Variants in CCDC171 observed in about 807,000 individuals in gnomAD.
CCDC171 encodes the protein coiled-coil domain containing 171.
A neutral mutation model predicts 168.2 loss-of-function variants in CCDC171; 177 were observed. The observed-to-expected ratio is 1.05, with a 90% CI of 0.93 to 1.19. The LOEUF is 1.19. Among genes scored for constraint, CCDC171 ranks in the 50% most tolerant of loss-of-function variants. The pLI is 0.00. For missense variants in CCDC171, 1,991 were observed against 1,539.0 expected (o/e 1.29, Z -4.91); for synonymous variants, 687 against 540.8 (o/e 1.27, Z -3.75).
At chr9:16,032,684 C>G (rs899723925) in intron 6 of CCDC171, among the ~76,000 whole-genome samples, 8 of 152,166 alleles carry the variant, frequency 5.3e-5, no homozygotes, top group African/African-American at 1.7e-4. Context: ...GTGGCACGAT[C>G]ATAGCTCATA....
chr9:15,780,908 T>G (rs2057632820), intron 20 of CCDC171, among the ~76,000 whole-genome samples: 1 of 152,200 alleles, frequency 6.6e-6, no homozygotes, highest in Admixed American at 6.5e-5. Flanking sequence ...AAGAGATGTT[T>G]ATACTTTTAA....
At chr9:15,831,868 A>G (rs560607302) in intron 21 of CCDC171, among the ~76,000 whole-genome samples, 19 of 150,838 alleles carry the variant, frequency 1.3e-4, no homozygotes, top group African/African-American at 2.7e-4. Context: ...CTGAATATCA[A>G]TGTGTATGAC....
At chr9:16,108,848 G>A in the CCDC171 span, among the ~76,000 whole-genome samples, 3 of 152,164 alleles carry the variant, frequency 2.0e-5, no homozygotes, top group African/African-American at 2.4e-5. Flanking sequence ...AAATGCTGGC[G>A]TCATGCTTGT....
chr9:15,964,244 A>G (rs1294178160), intron 25 of CCDC171, among the ~76,000 whole-genome samples: 3 of 152,106 alleles, frequency 2.0e-5, no homozygotes, highest in Non-Finnish European at 4.4e-5. Flanking sequence ...CATTATTTTA[A>G]TTGATTTTCA....
chr9:15,636,412 A>G (rs2046202464), intron 7 of CCDC171, among the ~76,000 whole-genome samples: 1 of 152,100 alleles, frequency 6.6e-6, no homozygotes, highest in Admixed American at 6.6e-5. Flanking sequence ...ATTATATTTT[A>G]TATCATCATT....
intron 21 of CCDC171, among the ~76,000 whole-genome samples, chr9:15,807,368 G>A (rs1312944076): frequency 6.6e-6 from 1 of 152,180 alleles, no homozygotes; most frequent in Admixed American, 6.5e-5. Context: ...TGGGCATTGT[G>A]TTGCTTCTTT....
intron 25 of CCDC171, among the ~76,000 whole-genome samples, chr9:15,935,918 T>C (rs1018914386): frequency 1.3e-5 from 2 of 152,128 alleles, no homozygotes; most frequent in African/African-American, 4.8e-5. Context: ...TGCCTTCATA[T>C]TGATAGTTTT....
At chr9:16,070,390 T>C in the CCDC171 span, among the ~76,000 whole-genome samples, 1 of 152,204 alleles carries the variant, frequency 6.6e-6, no homozygotes, top group African/African-American at 2.4e-5. Context: ...AGGAATCATA[T>C]GATGTGTGTG....
intron 4 of CCDC171, among the ~76,000 whole-genome samples, chr9:15,586,438 A>G (rs2041565083): frequency 6.6e-6 from 1 of 152,230 alleles, no homozygotes; most frequent in Non-Finnish European, 1.5e-5. Context: ...AAGCAAATGG[A>G]TGAGGAATAA....
Position 15,723,670 on chromosome 9 carries a change from A to G in CCDC171, c.1426-11A>G, listed in dbSNP as rs757742618. 2 of 1,587,140 alleles carry G rather than the reference A, an allele frequency of 1.3e-6. No homozygotes were observed. The highest frequency in any genetic ancestry group is 1.7e-6 in the Non-Finnish European group (2 of 1,164,120). ...TTCTTTCATCAGCTAAACAGCATGAATGATGTTAAGGAAAAGGCATGTAAT... is the reference window on the plus strand; with the variant it reads ...TTCTTTCATCAGCTAAACAGCATGAGTGATGTTAAGGAAAAGGCATGTAAT... On this transcript the variant is annotated splice_polypyrimidine_tract_variant and intron_variant, in intron 12 of 25. Coordinates refer to ENST00000380701, the MANE Select transcript of CCDC171 (RefSeq NM_173550.4).
chr9:15,627,518 T>A (rs977905657), intron 7 of CCDC171, among the ~76,000 whole-genome samples: 1 of 152,194 alleles, frequency 6.6e-6, no homozygotes, highest in African/African-American at 2.4e-5. Flanking sequence ...GTATGTTGTG[T>A]CTTTGTTCTC....
At chr9:15,898,407 T>G (rs1821180997) in intron 24 of CCDC171, among the ~76,000 whole-genome samples, 1 of 152,134 alleles carries the variant, frequency 6.6e-6, no homozygotes, top group South Asian at 2.1e-4. Context: ...TAGCTGGTGT[T>G]GCTATCACAG....
chr9:15,637,736 T>TG (rs1303648502), intron 7 of CCDC171, among the ~76,000 whole-genome samples: 4 of 151,318 alleles, frequency 2.6e-5, no homozygotes, highest in African/African-American at 9.7e-5. Context: ...TTTCTGTCCT[T>TG]GCGATAGTTT....
At chr9:15,865,384 T>TTGTGTG (rs71325943) in intron 23 of CCDC171, among the ~76,000 whole-genome samples, 103,643 of 150,440 alleles carry the variant, frequency 0.69, 35,946 homozygotes, top group East Asian at 0.81. Flanking sequence ...TTTGTCATAT[T>TTGTGTG]TGTGTGTGTG....
chr9:15,908,761 C>T (rs1485989263), intron 24 of CCDC171, among the ~76,000 whole-genome samples: 1 of 152,120 alleles, frequency 6.6e-6, no homozygotes, highest in African/African-American at 2.4e-5. Flanking sequence ...AAGATTCTGG[C>T]AGAAGGTGAA....
chr9:15,734,739 A>G (rs916439125), intron 16 of CCDC171, among the ~76,000 whole-genome samples: 1 of 152,118 alleles, frequency 6.6e-6, no homozygotes, highest in African/African-American at 2.4e-5. Context: ...TTAATTCTAT[A>G]TCTTTTACCA....
At chr9:15,656,067 C>A (rs1378373487) in intron 7 of CCDC171, among the ~76,000 whole-genome samples, 1 of 152,116 alleles carries the variant, frequency 6.6e-6, no homozygotes. Context: ...CGCCTGTAAT[C>A]CTAGCACTTT....
chr9:16,037,031 C>T (rs915367761), intron 8 of CCDC171, among the ~76,000 whole-genome samples: 6 of 152,056 alleles, frequency 3.9e-5, no homozygotes, highest in Non-Finnish European at 5.9e-5. Context: ...ATGATGGTTA[C>T]GGATACAAAA....
In CCDC171 at chr9:15,678,785, T is replaced by G; in HGVS notation, c.1104T>G (p.Asn368Lys). ...TAGAAAAAGAGTATTTCTCCAAAAA[T>G]AAGAAACTAAATGAAGACATCGAGG... ...NLLEKEYFSKNKKLNEDIEEQ... is the reference protein window; with the variant it reads ...NLLEKEYFSKKKKLNEDIEEQ... The change falls in exon 10 of 26, where the codon AAT becomes AAG. Residue 368 changes from asparagine (N) to lysine (K), a missense_variant. Transcript: ENST00000380701. 2 of 1,591,346 alleles carry G rather than the reference T, an allele frequency of 1.3e-6. No homozygotes were observed. The highest frequency in any genetic ancestry group is 2.2e-5 in the East Asian group (1 of 44,522).
Sources: gnomAD v4.1 joint callset for allele counts (sites outside exome capture counted in the v4.1 genomes callset) on GRCh38, gnomAD v4.1.1 for gene constraint, MANE v1.5 for transcripts, NCBI Gene and HGNC (gene_info 2026-07-23, HGNC 2026-07-21) for gene names.